Variants in TMPRSS15 observed in about 807,000 individuals in gnomAD.
TMPRSS15 encodes the protein transmembrane serine protease 15, also known as enteropeptidase.
A neutral mutation model predicts 125.3 loss-of-function variants in TMPRSS15; 128 were observed. That is an observed-to-expected ratio of 1.02 (90% CI 0.89 to 1.18). The LOEUF (loss-of-function observed/expected upper bound fraction) is 1.18. Ranked by LOEUF, TMPRSS15 falls within the 50% of genes most tolerant of loss-of-function variation. The probability of loss-of-function intolerance (pLI) is 0.00; values close to 1 mark genes in which losing one functional copy is unlikely to be tolerated. For synonymous variants in TMPRSS15, 446 were observed against 423.2 expected (o/e 1.05, Z -0.66); for missense variants, 1,283 against 1,212.7 (o/e 1.06, Z -0.86).
intron 16 of TMPRSS15, among the ~76,000 whole-genome samples, chr21:18,325,352 G>T (rs1212664919): frequency 6.6e-6 from 1 of 152,060 alleles, no homozygotes; most frequent in Non-Finnish European, 1.5e-5. Flanking sequence ...TACCTAAGTA[G>T]CATGCATAAT....
chr21:18,370,665 C>A (rs1203651035), intron 6 of TMPRSS15, among the ~76,000 whole-genome samples: 1 of 152,084 alleles, frequency 6.6e-6, no homozygotes, highest in African/African-American at 2.4e-5. Flanking sequence ...TCTGAGTGTA[C>A]TTCAAAGTCT....
At chr21:18,421,116 A>G (rs2076191253) in intron 1 of TMPRSS15, among the ~76,000 whole-genome samples, 1 of 152,300 alleles carries the variant, frequency 6.6e-6, no homozygotes, top group East Asian at 1.9e-4. Flanking sequence ...TAAACACTAT[A>G]CCACTAATAT....
chr21:18,324,071 ACT>A (rs1382991168), intron 16 of TMPRSS15, among the ~76,000 whole-genome samples: 1 of 152,128 alleles, frequency 6.6e-6, no homozygotes, highest in Non-Finnish European at 1.5e-5. Flanking sequence ...ATGTTATAAC[ACT>A]GATTCTTGCT....
At chr21:18,295,155 A>G (rs2074888695) in intron 19 of TMPRSS15, among the ~76,000 whole-genome samples, 1 of 152,228 alleles carries the variant, frequency 6.6e-6, no homozygotes, top group Non-Finnish European at 1.5e-5. Flanking sequence ...AGGGAATTGA[A>G]TGATGAATGC....
At chr21:18,376,659 A>C (rs1443830902) in intron 5 of TMPRSS15, among the ~76,000 whole-genome samples, 3 of 152,182 alleles carry the variant, frequency 2.0e-5, no homozygotes, top group African/African-American at 2.4e-5. Context: ...AACAAGCTGT[A>C]GTGTAGAAAT....
intron 14 of TMPRSS15, among the ~76,000 whole-genome samples, chr21:18,330,888 C>T (rs375347382): frequency 2.6e-5 from 4 of 151,890 alleles, no homozygotes; most frequent in Admixed American, 2.0e-4. Flanking sequence ...CTGGCTAACA[C>T]GGTGAAACCC....
intron 18 of TMPRSS15, among the ~76,000 whole-genome samples, chr21:18,303,712 C>G (rs1005837163): frequency 6.6e-6 from 1 of 152,120 alleles, no homozygotes; most frequent in Non-Finnish European, 1.5e-5. Flanking sequence ...AATACCTATA[C>G]ATTACAGATA....
At chr21:18,470,684 T>C (rs1978761600) in intron 1 of TMPRSS15, among the ~76,000 whole-genome samples, 1 of 152,046 alleles carries the variant, frequency 6.6e-6, no homozygotes, top group Non-Finnish European at 1.5e-5. Flanking sequence ...GTTGTTGCAA[T>C]TATCAATAGA....
intron 1 of TMPRSS15, among the ~76,000 whole-genome samples, chr21:18,482,467 C>T (rs1978999493): frequency 6.6e-6 from 1 of 151,466 alleles, no homozygotes; most frequent in African/African-American, 2.4e-5. Context: ...AAATGATAAA[C>T]ACTCAAAGTG....
At chr21:18,463,641 T>C (rs1978597113) in intron 1 of TMPRSS15, among the ~76,000 whole-genome samples, 1 of 152,058 alleles carries the variant, frequency 6.6e-6, no homozygotes, top group Admixed American at 6.6e-5. Flanking sequence ...ATCAACAAAA[T>C]ATACATTCCT....
chr21:18,304,165 A>G (rs1427119152), intron 18 of TMPRSS15, among the ~76,000 whole-genome samples: 2 of 152,148 alleles, frequency 1.3e-5, no homozygotes, highest in African/African-American at 4.8e-5. Flanking sequence ...AACAAAGTCA[A>G]AGTACGCTAG....
chr21:18,463,158 C>T (rs1392054780), intron 1 of TMPRSS15, among the ~76,000 whole-genome samples: 1 of 141,002 alleles, frequency 7.1e-6, no homozygotes, highest in East Asian at 2.2e-4. Context: ...CATCGGGGTG[C>T]TGTATTCAGG....
intron 15 of TMPRSS15, 60 bp from the exon 16 acceptor site, chr21:18,326,632 T>C (rs946900386): frequency 1.2e-6 from 2 of 1,603,394 alleles, no homozygotes; most frequent in Non-Finnish European, 1.7e-6. Context: ...GAAGGAAATG[T>C]ACCCCACATC....
In TMPRSS15 at chr21:18,318,504, G is replaced by A. The variant is rs149923963; in HGVS notation, c.1922-3248C>T. Among the ~76,000 whole-genome samples the A allele has an allele frequency of 4.6e-3, 697 of 152,284 alleles. 11 individuals carry two copies. The highest frequency in any genetic ancestry group is 4.2e-3 in the Non-Finnish European group (288 of 67,998). ...AAAGGGAAGTGGAAACTAAAACAAA[G>A]ACAATATTTCCACCCTCCTCTGCCT... On this transcript the variant is annotated intron_variant, in intron 16 of 24. Coordinates refer to ENST00000284885, the MANE Select transcript of TMPRSS15 (RefSeq NM_002772.3).
intron 3 of TMPRSS15, among the ~76,000 whole-genome samples, chr21:18,388,589 C>T (rs2075965615): frequency 6.6e-6 from 1 of 152,078 alleles, no homozygotes; most frequent in Admixed American, 6.5e-5. Context: ...AGGCAAAGCC[C>T]AATTCAAGAG....
chr21:18,434,133 A>G (rs1377537906), intron 1 of TMPRSS15, among the ~76,000 whole-genome samples: 2 of 152,184 alleles, frequency 1.3e-5, no homozygotes, highest in Non-Finnish European at 2.9e-5. Flanking sequence ...GCTAGTATCA[A>G]CCTTCTAAAA....
intron 1 of TMPRSS15, among the ~76,000 whole-genome samples, chr21:18,475,096 T>C (rs1013714025): frequency 6.6e-6 from 1 of 152,200 alleles, no homozygotes; most frequent in Non-Finnish European, 1.5e-5. Flanking sequence ...CCCATTGTTT[T>C]GTTTTTTTCC....
chr21:18,437,852 A>C (rs1215536257), intron 1 of TMPRSS15, among the ~76,000 whole-genome samples: 7 of 152,092 alleles, frequency 4.6e-5, no homozygotes, highest in Admixed American at 6.5e-5. Context: ...ATGTGGAGAA[A>C]TAGGAACACT....
At chr21:18,402,097 T>C (rs771122638) in intron 1 of TMPRSS15, among the ~76,000 whole-genome samples, 1 of 152,230 alleles carries the variant, frequency 6.6e-6, no homozygotes, top group Non-Finnish European at 1.5e-5. Flanking sequence ...TGTATGTCTA[T>C]AGTTTTTAAA....
Sources: allele counts gnomAD v4.1 joint callset (sites outside exome capture counted in the v4.1 genomes callset), GRCh38; gene constraint gnomAD v4.1.1; transcripts MANE v1.5; gene names NCBI Gene and HGNC (gene_info 2026-07-23, HGNC 2026-07-21).